The following PRKG1 variants were observed in gnomAD, a reference collection of about 807,000 sequenced individuals.
PRKG1 encodes the protein cGMP-dependent protein kinase 1.
A neutral mutation model predicts 88.1 loss-of-function variants in PRKG1; 35 were observed. The observed-to-expected ratio is 0.40, with a 90% CI of 0.30 to 0.53. The LOEUF is 0.53. PRKG1 is among the 20% of genes least tolerant of loss of function. The pLI is 0.59. For synonymous variants in PRKG1, 303 were observed against 292.5 expected (o/e 1.04, Z -0.37); for missense variants, 540 against 839.8 (o/e 0.64, Z 4.41).
At chr10:51,215,936 A>G (rs550721609) in intron 2 of PRKG1, among the ~76,000 whole-genome samples, 1 of 152,260 alleles carries the variant, frequency 6.6e-6, no homozygotes, top group African/African-American at 2.4e-5. Flanking sequence ...CTTTGAAGAC[A>G]TAACATTAGA....
intron 3 of PRKG1, among the ~76,000 whole-genome samples, chr10:51,559,346 C>CTAA (rs1484872351): frequency 6.6e-6 from 1 of 152,082 alleles, no homozygotes; most frequent in Admixed American, 6.6e-5. Context: ...ATATTCCTTA[C>CTAA]TAATGCACTT....
intron 3 of PRKG1, among the ~76,000 whole-genome samples, chr10:51,704,034 A>G (rs947553067): frequency 1.3e-5 from 2 of 151,242 alleles, no homozygotes; most frequent in African/African-American, 2.4e-5. Flanking sequence ...AATCTCAGCT[A>G]TTTGGAGGCC....
At chr10:51,513,542 C>G (rs1347771260) in intron 3 of PRKG1, among the ~76,000 whole-genome samples, 1 of 105,060 alleles carries the variant, frequency 9.5e-6, no homozygotes, top group Non-Finnish European at 2.0e-5. Flanking sequence ...ACAGAATATA[C>G]ATTTTTTTCA....
intron 2 of PRKG1, among the ~76,000 whole-genome samples, chr10:51,425,197 A>G (rs968977885): frequency 6.6e-6 from 1 of 152,182 alleles, no homozygotes; most frequent in Non-Finnish European, 1.5e-5. Flanking sequence ...AAATTATGTG[A>G]TATTTTATTT....
At chr10:51,430,124 A>T (rs985431886) in intron 2 of PRKG1, among the ~76,000 whole-genome samples, 6 of 151,824 alleles carry the variant, frequency 4.0e-5, no homozygotes, top group Non-Finnish European at 8.8e-5. Flanking sequence ...ACAATTAAAA[A>T]AAAAAAAAAA....
chr10:51,983,279 A>G (rs1480025423), intron 5 of PRKG1, among the ~76,000 whole-genome samples: 1 of 152,142 alleles, frequency 6.6e-6, no homozygotes, highest in African/African-American at 2.4e-5. Context: ...GTTACCCTCC[A>G]GGCCCCTAAT....
intron 3 of PRKG1, among the ~76,000 whole-genome samples, chr10:51,721,863 A>G (rs1286467494): frequency 2.0e-5 from 3 of 152,154 alleles, no homozygotes; most frequent in Non-Finnish European, 4.4e-5. Context: ...GGGACTGCCT[A>G]ATAATTCCAT....
chr10:51,119,051 T>TG, intron 1 of PRKG1, among the ~76,000 whole-genome samples: 1 of 152,268 alleles, frequency 6.6e-6, no homozygotes, highest in Admixed American at 6.5e-5. Flanking sequence ...GTCCTTAGAA[T>TG]AATTCTTCAT....
At chr10:51,244,509 C>T (rs1011072774) in intron 2 of PRKG1, among the ~76,000 whole-genome samples, 1 of 151,888 alleles carries the variant, frequency 6.6e-6, no homozygotes, top group Admixed American at 6.6e-5. Flanking sequence ...CCCAATTCCC[C>T]CTGCTGTGGA....
chr10:51,995,082 G>T (rs1338707195), intron 5 of PRKG1, among the ~76,000 whole-genome samples: 2 of 152,002 alleles, frequency 1.3e-5, no homozygotes, highest in Non-Finnish European at 2.9e-5. Context: ...TAAATAACTT[G>T]CTTATGATCA....
intron 2 of PRKG1, among the ~76,000 whole-genome samples, chr10:51,273,128 G>A (rs1840024064): frequency 6.6e-6 from 1 of 152,154 alleles, no homozygotes; most frequent in Non-Finnish European, 1.5e-5. Flanking sequence ...TAAGCATTAA[G>A]AGTTCACATT....
chr10:51,617,548 A>T (rs1200309561), intron 3 of PRKG1, among the ~76,000 whole-genome samples: 2 of 152,036 alleles, frequency 1.3e-5, no homozygotes, highest in East Asian at 1.9e-4. Context: ...TACCTTTTCT[A>T]TGTTTGAATA....
At chr10:52,160,745 C>T (rs965086372) in intron 8 of PRKG1, among the ~76,000 whole-genome samples, 1 of 152,010 alleles carries the variant, frequency 6.6e-6, no homozygotes, top group Non-Finnish European at 1.5e-5. Flanking sequence ...TTAATACTCA[C>T]AACACACAAA....
intron 4 of PRKG1, among the ~76,000 whole-genome samples, chr10:51,827,760 C>T (rs559989530): frequency 8.5e-5 from 13 of 152,216 alleles, no homozygotes; most frequent in African/African-American, 2.9e-4. Flanking sequence ...GAACAAGGAA[C>T]TGGATCTGTC....
chr10:52,153,367 C>T (rs930264949), intron 8 of PRKG1, among the ~76,000 whole-genome samples: 3 of 152,098 alleles, frequency 2.0e-5, no homozygotes, highest in Non-Finnish European at 4.4e-5. Context: ...TCATTGAAAG[C>T]ATGTGTACAA....
chr10:51,310,930 T>C (rs927134558), intron 2 of PRKG1, among the ~76,000 whole-genome samples: 2 of 152,228 alleles, frequency 1.3e-5, no homozygotes. Context: ...GGTTTCATTC[T>C]GGAGTCACAA....
intron 4 of PRKG1, among the ~76,000 whole-genome samples, chr10:51,837,023 G>T (rs949170994): frequency 3.7e-4 from 56 of 152,228 alleles, no homozygotes; most frequent in South Asian, 1.0e-3. Flanking sequence ...ATGGATTTTT[G>T]AATTTAAAGG....
intron 4 of PRKG1, among the ~76,000 whole-genome samples, chr10:51,844,196 A>G (rs1381170922): frequency 6.6e-6 from 1 of 152,178 alleles, no homozygotes; most frequent in East Asian, 1.9e-4. Context: ...GGCAATCATG[A>G]GCCATAATTC....
intron 6 of PRKG1, among the ~76,000 whole-genome samples, chr10:52,057,156 A>G (rs552870834): frequency 3.3e-5 from 5 of 152,228 alleles, no homozygotes; most frequent in Non-Finnish European, 7.3e-5. Flanking sequence ...GAGAGACACA[A>G]TAGGGGCTGC....
Sources: gnomAD v4.1 joint callset for allele counts (sites outside exome capture counted in the v4.1 genomes callset) on GRCh38, gnomAD v4.1.1 for gene constraint, MANE v1.5 for transcripts, NCBI Gene and HGNC (gene_info 2026-07-23, HGNC 2026-07-21) for gene names.